The following KIF26B variants were observed in gnomAD, a reference collection of about 807,000 sequenced individuals.
KIF26B encodes kinesin family member 26B.
In KIF26B, 63 loss-of-function variants were observed where a neutral mutation model predicts 151.2. That is an observed-to-expected ratio of 0.42 (90% confidence interval 0.34 to 0.51). The LOEUF (loss-of-function observed/expected upper bound fraction) is 0.51. Among genes scored for constraint, KIF26B ranks in the 20% least tolerant of loss-of-function variants. The probability of loss-of-function intolerance (pLI) is 0.07; values close to 1 mark genes in which losing one functional copy is unlikely to be tolerated. For synonymous variants in KIF26B, 1,357 were observed against 1,262.1 expected, an observed-to-expected ratio of 1.08 and a Z score of -1.59; for missense variants, 2,813 against 2,913.6, an observed-to-expected ratio of 0.97 and a Z score of 0.79.
rs144192520 is a variant in KIF26B at position 245,318,290 on chromosome 1, G to A, written c.466-48544G>A. 1.3e-3 allele frequency among the ~76,000 whole-genome samples: 201 copies of A among 152,210 alleles called. No individual in the cohort carries two copies. The highest frequency in any genetic ancestry group is 4.7e-3 in the African/African-American group (194 of 41,520). ...TCTTGTCATTGCTTGGGGGGTAAAG[G>A]CAATACAAGGAATGACTGGCAAATA... On this transcript the variant is annotated intron_variant, in intron 2 of 14. Transcript: ENST00000407071. The surrounding 1 kb of genome is among the most constrained non-coding windows in gnomAD (Gnocchi z 4.0).
At chr1:245,165,878 T>C (rs1198505920) in intron 2 of KIF26B, among the ~76,000 whole-genome samples, 1 of 152,164 alleles carries the variant, frequency 6.6e-6, no homozygotes, top group African/African-American at 2.4e-5. Flanking sequence ...TCTGGTGCCC[T>C]GGAGAAAGCC....
intron 11 of KIF26B, 33 bp downstream of exon 11, chr1:245,684,428 T>TGAGGGAGCC: frequency 6.5e-7 from 1 of 1,546,054 alleles, no homozygotes; most frequent in Non-Finnish European, 8.8e-7. Context: ...GGGTGGTGGA[T>TGAGGGAGCC]GAGGGAGCCT....
intron 2 of KIF26B, among the ~76,000 whole-genome samples, chr1:245,191,204 C>T (rs1669103325): frequency 6.6e-6 from 1 of 150,864 alleles, no homozygotes; most frequent in African/African-American, 2.4e-5. Context: ...TACCTCCCAA[C>T]ATTGAAAAGA....
intron 2 of KIF26B, among the ~76,000 whole-genome samples, chr1:245,295,544 A>T (rs1178448413): frequency 6.6e-6 from 1 of 152,168 alleles, no homozygotes; most frequent in African/African-American, 2.4e-5. Flanking sequence ...GTCTCATTTG[A>T]TTTCACATTC....
intron 14 of KIF26B, among the ~76,000 whole-genome samples, chr1:245,700,797 C>T (rs1009373692): frequency 1.3e-5 from 2 of 152,178 alleles, no homozygotes; most frequent in Non-Finnish European, 2.9e-5. Flanking sequence ...CAGACAGGGG[C>T]GAGGGCGCTG....
At chr1:245,646,097 CT>C (rs2043942575) in intron 9 of KIF26B, 23 bp from the exon 10 acceptor site, 1 of 1,610,042 alleles carries the variant, frequency 6.2e-7, no homozygotes, top group Non-Finnish European at 8.5e-7. Context: ...AACCATTTCT[CT>C]TTTATCTTCT....
chr1:245,422,762 TC>T (rs1256499839), intron 4 of KIF26B, among the ~76,000 whole-genome samples: 8 of 152,106 alleles, frequency 5.3e-5, no homozygotes, highest in Non-Finnish European at 1.2e-4. Flanking sequence ...CCTGGAACTC[TC>T]CTATAGCTCC....
At chr1:245,374,620 G>A (rs919191463) in intron 3 of KIF26B, among the ~76,000 whole-genome samples, 4 of 152,112 alleles carry the variant, frequency 2.6e-5, no homozygotes, top group Non-Finnish European at 4.4e-5. Flanking sequence ...ACCCAGTCAG[G>A]CAATAGTGTA....
chr1:245,685,502 A>G lies in KIF26B; in HGVS notation c.2519A>G (p.Asp840Gly), dbSNP rs1466331594. 4 of 1,613,486 alleles carry G rather than the reference A, an allele frequency of 2.5e-6. No homozygotes were observed. In the East Asian group the frequency reaches 6.7e-5, roughly 27 times the overall value. Residue 840 changes from aspartate to glycine, a missense_variant, in exon 12 of 15, where the codon GAC becomes GGC. Asp to Gly is a moderately conservative substitution (Grantham distance 94, BLOSUM62 -1). This residue lies in a region of KIF26B where 2,060 missense variants were observed against 2,088.6 expected (regional missense o/e 0.99). Coordinates refer to ENST00000407071, the MANE Select transcript of KIF26B (RefSeq NM_018012.4). Reference protein sequence around the residue: ...LRPFHTRATVDPDFPIAHLSS... With the variant: ...LRPFHTRATVGPDFPIAHLSS... ...CCCTTCCACACCAGGGCCACGGTGGACCCTGACTTCCCCATCGCTCACCTG... is the reference window on the plus strand; with the variant it reads ...CCCTTCCACACCAGGGCCACGGTGGGCCCTGACTTCCCCATCGCTCACCTG...
At position 245,684,476 on chromosome 1, in the gene KIF26B, A is replaced by T. The variant is rs976123667; in HGVS notation, c.2421+81A>T. The T allele has an allele frequency of 9.4e-6, 13 of 1,386,248 alleles. No individual in the cohort carries two copies. In the African/African-American group the frequency reaches 1.7e-4, roughly 19 times the overall value. The allele number at this position is 1,386,248 out of a possible 1,614,324, so 85.9% of individuals were successfully genotyped here. The stretch of plus-strand genomic sequence containing the variant: ...CCTGGAACAGAGTCAGAAAAAGCCA[A>T]ATCAACGTTGCCAATCCCCCAGCAT... On this transcript the variant is annotated intron_variant, in intron 11 of 14. Coordinates refer to ENST00000407071, the MANE Select transcript of KIF26B (RefSeq NM_018012.4).
chr1:245,258,975 C>T (rs1670587393), intron 2 of KIF26B, among the ~76,000 whole-genome samples: 1 of 152,156 alleles, frequency 6.6e-6, no homozygotes. Flanking sequence ...TCACAGGTGC[C>T]CCTCGCTTCG....
chr1:245,401,729 G>T (rs1417666519), intron 3 of KIF26B, among the ~76,000 whole-genome samples: 2 of 152,112 alleles, frequency 1.3e-5, no homozygotes, highest in South Asian at 2.1e-4. Context: ...AATTATCTGG[G>T]CGTGGTGGCA....
chr1:245,235,636 G>A lies in KIF26B; in HGVS notation c.465+78953G>A, dbSNP rs570564283. 4.6e-5 allele frequency among the ~76,000 whole-genome samples: 7 copies of A among 151,940 alleles called. No homozygotes were observed. The East Asian group carries it at 9.7e-4, about 21-fold the overall frequency. On this transcript the variant is annotated intron_variant, in intron 2 of 14. Coordinates refer to ENST00000407071, the MANE Select transcript of KIF26B (RefSeq NM_018012.4). Reference sequence around the variant, plus strand: ...GAGACGGAGGGAGAGAGGCAGGGAGGAAGGAAGGGTTCAGAATATAGAAAG... The same window carrying A: ...GAGACGGAGGGAGAGAGGCAGGGAGAAAGGAAGGGTTCAGAATATAGAAAG...
chr1:245,424,199 A>G (rs1658568006), intron 4 of KIF26B, among the ~76,000 whole-genome samples: 1 of 152,032 alleles, frequency 6.6e-6, no homozygotes, highest in African/African-American at 2.4e-5. Context: ...TCTGTTTCCC[A>G]GGCTGGAGTG....
chr1:245,155,279 C>A lies in KIF26B; in HGVS notation c.-146C>A. ...ATTACTTGTGGGATCCATTTGCTTTCATTCCCTCCCACCCCACCGCTGAAG... is the reference window on the plus strand; with the variant it reads ...ATTACTTGTGGGATCCATTTGCTTTAATTCCCTCCCACCCCACCGCTGAAG... On this transcript the variant is annotated 5_prime_UTR_variant, in exon 1 of 15. Transcript: ENST00000407071. 1 of 680,578 alleles carries A rather than the reference C, an allele frequency of 1.5e-6. No individual in the cohort carries two copies. The highest frequency in any genetic ancestry group is 2.6e-6 in the Non-Finnish European group (1 of 384,914). 42.2% of individuals were successfully genotyped at this position (680,578 alleles called of 1,614,324 possible). A position where few individuals can be genotyped will look rare whatever the true frequency, so the allele number is the denominator to read the frequency against.
chr1:245,159,118 T>C (rs187603200), intron 2 of KIF26B, among the ~76,000 whole-genome samples: 38 of 152,314 alleles, frequency 2.5e-4, no homozygotes, highest in Admixed American at 2.2e-3. Flanking sequence ...GACTCCAACA[T>C]GCAGTTCGCT....
At chr1:245,187,938 T>C (rs1669027949) in intron 2 of KIF26B, among the ~76,000 whole-genome samples, 1 of 152,114 alleles carries the variant, frequency 6.6e-6, no homozygotes, top group Non-Finnish European at 1.5e-5. Flanking sequence ...AATTCAAGTT[T>C]GAATGATGAG....
intron 2 of KIF26B, among the ~76,000 whole-genome samples, chr1:245,160,878 T>C (rs1025592832): frequency 5.9e-5 from 9 of 152,066 alleles, no homozygotes; most frequent in Non-Finnish European, 1.3e-4. Context: ...TGAGGAGATA[T>C]AGATATCCCC....
intron 2 of KIF26B, among the ~76,000 whole-genome samples, chr1:245,316,637 T>C (rs7527764): frequency 0.023 from 3,513 of 152,254 alleles, 148 homozygotes; most frequent in African/African-American, 0.081. Flanking sequence ...ATTTATAAAG[T>C]AACAATTCAT....
Sources: gnomAD v4.1 joint callset for allele counts (sites outside exome capture counted in the v4.1 genomes callset) on GRCh38, gnomAD v4.1.1 for gene constraint, gnomAD v4.1.1 regional missense constraint, Gnocchi (gnomAD v3.1) non-coding constraint, MANE v1.5 for transcripts, NCBI Gene and HGNC (gene_info 2026-07-23, HGNC 2026-07-21) for gene names.